The following SSBP2 variants were observed in gnomAD, a reference collection of about 807,000 sequenced individuals.
SSBP2 encodes the protein single-stranded DNA-binding protein 2.
Under a neutral mutation model 61.8 loss-of-function variants are expected in SSBP2, and 17 were observed. The observed-to-expected ratio is 0.28, with a 90% CI of 0.19 to 0.41. The LOEUF is 0.41. Among genes scored for constraint, SSBP2 ranks in the 10% least tolerant of loss-of-function variants. The pLI is 1.00. For synonymous variants in SSBP2, 139 were observed against 141.3 expected (o/e 0.98, Z 0.12); for missense variants, 310 against 458.7 (o/e 0.68, Z 2.96).
intron 1 of SSBP2, among the ~76,000 whole-genome samples, chr5:81,657,816 T>C (rs1750354404): frequency 6.6e-6 from 1 of 152,236 alleles, no homozygotes. Context: ...GTTTGTTGTG[T>C]GACTTAATTT....
intron 4 of SSBP2, among the ~76,000 whole-genome samples, chr5:81,517,853 CCTT>C (rs1303435154): frequency 3.3e-5 from 5 of 151,316 alleles, no homozygotes; most frequent in African/African-American, 4.9e-5. Context: ...AAGTTAAAAA[CCTT>C]CTTATTTTTA....
intron 6 of SSBP2, 27 bp from the exon 7 acceptor site, chr5:81,474,589 A>G (rs1765462653): frequency 1.3e-6 from 2 of 1,527,790 alleles, no homozygotes; most frequent in Non-Finnish European, 1.8e-6. Flanking sequence ...AAAAATAAAG[A>G]GCAATATTGT....
At chr5:81,467,129 A>T in intron 8 of SSBP2, 64 bp from the exon 9 acceptor site, 1 of 1,003,028 alleles carries the variant, frequency 1.0e-6, no homozygotes, top group Non-Finnish European at 1.5e-6. Flanking sequence ...CACGTTAATG[A>T]TTTCCCTACA....
intron 2 of SSBP2, 37 bp from the exon 3 acceptor site, chr5:81,636,655 T>C: frequency 6.7e-7 from 1 of 1,485,946 alleles, no homozygotes; most frequent in Non-Finnish European, 9.3e-7. Context: ...TTCCTAATAA[T>C]ACTTTTTTCC....
chr5:81,558,438 C>G (rs1429995107), intron 4 of SSBP2, among the ~76,000 whole-genome samples: 4 of 152,162 alleles, frequency 2.6e-5, no homozygotes, highest in Admixed American at 2.0e-4. Flanking sequence ...CGACAGAGAA[C>G]AGAGAGAGAT....
intron 1 of SSBP2, among the ~76,000 whole-genome samples, chr5:81,722,067 T>G (rs1438795385): frequency 6.6e-6 from 1 of 152,076 alleles, no homozygotes; most frequent in African/African-American, 2.4e-5. Flanking sequence ...TCAACTAACA[T>G]CTACTGCCCA....
At chr5:81,693,526 T>C (rs1297234574) in intron 1 of SSBP2, among the ~76,000 whole-genome samples, 1 of 152,162 alleles carries the variant, frequency 6.6e-6, no homozygotes, top group African/African-American at 2.4e-5. Flanking sequence ...AAGATCTGAA[T>C]AGACATTTCT....
chr5:81,603,591 T>A (rs1305927215), intron 4 of SSBP2, among the ~76,000 whole-genome samples: 1 of 152,180 alleles, frequency 6.6e-6, no homozygotes, highest in Admixed American at 6.5e-5. Flanking sequence ...TCACAATGCA[T>A]ATGAAAATAC....
In SSBP2 at chr5:81,653,395, T is replaced by C. The variant is rs569702395; in HGVS notation, c.63-3056A>G. On this transcript the variant is annotated intron_variant, in intron 1 of 16. Coordinates refer to ENST00000320672, the MANE Select transcript of SSBP2 (RefSeq NM_012446.5). ...CAAGTCTTCGCTATTGTGAATAGTG[T>C]TGCAATAAACATATGTGTGCATGTG... is the stretch of plus-strand genomic sequence containing the variant. Among the ~76,000 whole-genome samples, 114 of 152,314 alleles carry C rather than the reference T, an allele frequency of 7.5e-4. 1 individual carries two copies. The highest frequency in any genetic ancestry group is 2.7e-3 in the African/African-American group (111 of 41,572).
At chr5:81,425,905 T>C (rs1761922760) in intron 16 of SSBP2, among the ~76,000 whole-genome samples, 1 of 152,202 alleles carries the variant, frequency 6.6e-6, no homozygotes, top group Non-Finnish European at 1.5e-5. Flanking sequence ...GAGTACTCAA[T>C]AGATACTTGC....
chr5:81,598,371 G>A (rs75722767), intron 4 of SSBP2, among the ~76,000 whole-genome samples: 13,039 of 152,184 alleles, frequency 0.086, 603 homozygotes, highest in Admixed American at 0.11. Context: ...TATACTCAGG[G>A]AAAGCACCTT....
intron 2 of SSBP2, among the ~76,000 whole-genome samples, chr5:81,640,210 T>TG (rs1350721495): frequency 6.6e-6 from 1 of 151,972 alleles, no homozygotes; most frequent in Non-Finnish European, 1.5e-5. Flanking sequence ...CATGGTGGTG[T>TG]GCGCCTGTAG....
intron 4 of SSBP2, among the ~76,000 whole-genome samples, chr5:81,591,667 G>A (rs6897373): frequency 0.055 from 8,326 of 152,100 alleles, 439 homozygotes; most frequent in African/African-American, 0.13. Flanking sequence ...AAACTCATTA[G>A]TAAACTCAAC....
chr5:81,471,305 T>C (rs1765229682), intron 8 of SSBP2, among the ~76,000 whole-genome samples: 1 of 151,814 alleles, frequency 6.6e-6, no homozygotes, highest in African/African-American at 2.4e-5. Flanking sequence ...TTTACTGTGC[T>C]GTAAATACTG....
chr5:81,592,513 C>T (rs139031940), intron 4 of SSBP2, among the ~76,000 whole-genome samples: 13,055 of 152,238 alleles, frequency 0.086, 605 homozygotes, highest in Admixed American at 0.11. Flanking sequence ...CAGCATGCAG[C>T]TTGAGATCTG....
intron 3 of SSBP2, among the ~76,000 whole-genome samples, chr5:81,622,337 A>C (rs978056747): frequency 6.6e-6 from 1 of 152,202 alleles, no homozygotes; most frequent in African/African-American, 2.4e-5. Context: ...AATAAAGGCA[A>C]TTACAATTAT....
intron 4 of SSBP2, among the ~76,000 whole-genome samples, chr5:81,543,270 A>G (rs1367545151): frequency 6.6e-6 from 1 of 151,406 alleles, no homozygotes; most frequent in African/African-American, 2.4e-5. Context: ...GTCAATTAAA[A>G]CTCCTTTGTT....
At chr5:81,740,302 C>A (rs1756926117) in intron 1 of SSBP2, among the ~76,000 whole-genome samples, 4 of 149,036 alleles carry the variant, frequency 2.7e-5, no homozygotes, top group South Asian at 2.1e-4. Flanking sequence ...AAGTTTAATC[C>A]AGGGTAAAAA....
chr5:81,446,792 T>C (rs1763429277), intron 12 of SSBP2, 76 bp downstream of exon 12: 1 of 1,438,440 alleles, frequency 7.0e-7, no homozygotes, highest in Non-Finnish European at 9.6e-7. Context: ...ACTAACTTTA[T>C]TTCATGAACA....
Sources: allele counts gnomAD v4.1 joint callset (sites outside exome capture counted in the v4.1 genomes callset), GRCh38; gene constraint gnomAD v4.1.1; transcripts MANE v1.5; gene names NCBI Gene and HGNC (gene_info 2026-07-23, HGNC 2026-07-21).